Variants in PDE3A observed in about 807,000 individuals in gnomAD.
PDE3A encodes the protein phosphodiesterase 3A.
Under a neutral mutation model 98.3 loss-of-function variants are expected in PDE3A, and 43 were observed. That is an observed-to-expected ratio of 0.44 (90% CI 0.34 to 0.56). PDE3A has a LOEUF of 0.56. Among genes scored for constraint, PDE3A ranks in the 20% least tolerant of loss-of-function variants. PDE3A has a pLI of 0.01. For missense variants in PDE3A, 1,427 were observed against 1,440.7 expected, an observed-to-expected ratio of 0.99 and a Z score of 0.15; for synonymous variants, 663 against 567.9, an observed-to-expected ratio of 1.17 and a Z score of -2.38.
intron 2 of PDE3A, among the ~76,000 whole-genome samples, chr12:20,587,406 G>T (rs1692346391): frequency 6.6e-6 from 1 of 150,530 alleles, no homozygotes; most frequent in Admixed American, 6.7e-5. Flanking sequence ...AAATTACTAG[G>T]CTCTTCTATA....
At chr12:20,635,081 T>C in intron 8 of PDE3A, 25 bp downstream of exon 8, 1 of 1,587,826 alleles carries the variant, frequency 6.3e-7, no homozygotes, top group Non-Finnish European at 8.6e-7. Flanking sequence ...CTTAACTCAC[T>C]CATTTACTTG....
At position 20,419,552 on chromosome 12, in the gene PDE3A, G is replaced by A. The variant is rs537376084; in HGVS notation, c.960+49308G>A. On this transcript the variant is annotated intron_variant, in intron 1 of 15. Transcript: ENST00000359062. ...TTCCAAGGATGCTTTTCAAAATATC[G>A]AGTTTCACAAAAAATAAAGTCAAGA... is the stretch of plus-strand genomic sequence containing the variant. 5.7e-4 allele frequency among the ~76,000 whole-genome samples: 86 copies of A among 151,566 alleles called. 2 individuals are homozygous for A. Among genetic ancestry groups the A allele is most frequent in the African/African-American group, 2.0e-3 (81 of 41,354 alleles).
intron 2 of PDE3A, among the ~76,000 whole-genome samples, chr12:20,558,687 G>T (rs1565588798): frequency 8.2e-6 from 1 of 122,256 alleles, no homozygotes; most frequent in Non-Finnish European, 1.7e-5. Flanking sequence ...ATTCCCTGCT[G>T]ACGAAATAAT....
At chr12:20,679,916 A>G (rs1565476057) in intron 15 of PDE3A, 114 bp from the exon 16 acceptor site, 1 of 199,290 alleles carries the variant, frequency 5.0e-6, no homozygotes, top group Non-Finnish European at 9.8e-6. Context: ...ATATAATATA[A>G]TATAATAAGG....
intron 2 of PDE3A, among the ~76,000 whole-genome samples, chr12:20,596,357 C>T (rs1017869492): frequency 6.6e-6 from 1 of 152,084 alleles, no homozygotes; most frequent in African/African-American, 2.4e-5. Flanking sequence ...GATGATCCTG[C>T]CTGACATCTG....
chr12:20,500,031 A>T (rs1945993846), intron 1 of PDE3A, among the ~76,000 whole-genome samples: 1 of 152,092 alleles, frequency 6.6e-6, no homozygotes, highest in Non-Finnish European at 1.5e-5. Context: ...AGCATACTAC[A>T]CTGTATCTCC....
chr12:20,463,812 T>G (rs1022582033), intron 1 of PDE3A, among the ~76,000 whole-genome samples: 5 of 152,276 alleles, frequency 3.3e-5, no homozygotes, highest in Admixed American at 6.5e-5. Context: ...CTTCCCAGGC[T>G]GGGGAACTGT....
At chr12:20,553,153 T>A (rs570270010) in intron 1 of PDE3A, 22 of 845,164 alleles carry the variant, frequency 2.6e-5, no homozygotes, top group South Asian at 1.4e-4. Flanking sequence ...TCCTTTTTTT[T>A]TTTTTATTTT....
chr12:20,380,713 T>C (rs1943648824), intron 1 of PDE3A, among the ~76,000 whole-genome samples: 1 of 151,760 alleles, frequency 6.6e-6, no homozygotes, highest in African/African-American at 2.4e-5. Flanking sequence ...CAGGCAGACT[T>C]TTTAGAGAGA....
At chr12:20,494,417 G>T (rs2121058351) in intron 1 of PDE3A, among the ~76,000 whole-genome samples, 1 of 152,266 alleles carries the variant, frequency 6.6e-6, no homozygotes, top group Admixed American at 6.5e-5. Flanking sequence ...TTCAGTGTTT[G>T]ATTTTATTGT....
chr12:20,386,144 T>TATATATATAAATATATATAAATATATAA (rs1565532631), intron 1 of PDE3A, among the ~76,000 whole-genome samples: 6 of 26,516 alleles, frequency 2.3e-4, no homozygotes, highest in African/African-American at 8.3e-4. Flanking sequence ...TATATATAAA[T>TATATATATAAATATATATAAATATATAA]ATATATATAA....
At chr12:20,410,293 A>G (rs560294352) in intron 1 of PDE3A, among the ~76,000 whole-genome samples, 11 of 152,358 alleles carry the variant, frequency 7.2e-5, no homozygotes, top group Non-Finnish European at 1.5e-5. Flanking sequence ...CAAGCTGAGC[A>G]GTGAGATTCT....
chr12:20,391,491 C>T (rs1943915246), intron 1 of PDE3A, among the ~76,000 whole-genome samples: 1 of 150,972 alleles, frequency 6.6e-6, no homozygotes, highest in Admixed American at 6.6e-5. Context: ...TGATTCTTTG[C>T]TCACATAGTT....
chr12:20,618,987 G>A (rs754745278), intron 4 of PDE3A, among the ~76,000 whole-genome samples: 6 of 152,050 alleles, frequency 3.9e-5, no homozygotes, highest in Admixed American at 3.9e-4. Context: ...TGCTGTGCCA[G>A]CATGAGAAAA....
At chr12:20,438,628 G>C (rs1442851038) in intron 1 of PDE3A, among the ~76,000 whole-genome samples, 1 of 152,194 alleles carries the variant, frequency 6.6e-6, no homozygotes, top group Non-Finnish European at 1.5e-5. Flanking sequence ...ATATGGACTT[G>C]CTATGATGTG....
intron 1 of PDE3A, among the ~76,000 whole-genome samples, chr12:20,513,615 A>G (rs1484302583): frequency 6.6e-6 from 1 of 152,176 alleles, no homozygotes; most frequent in Non-Finnish European, 1.5e-5. Flanking sequence ...GGAAATATAC[A>G]CTAAAATTAC....
chr12:20,475,477 C>G (rs1945515884), intron 1 of PDE3A, among the ~76,000 whole-genome samples: 1 of 151,988 alleles, frequency 6.6e-6, no homozygotes, highest in South Asian at 2.1e-4. Context: ...GCCTGTCATC[C>G]CAGCACTTTG....
In PDE3A at chr12:20,634,984, A is replaced by G; in HGVS notation, c.1929A>G (p.Thr643=). Reference sequence around the variant, plus strand: ...ACATTGTACAGAATGAAGATGAAACAGAGTGCCTGAGAGAGCCTCTGAGGA... The same window carrying G: ...ACATTGTACAGAATGAAGATGAAACGGAGTGCCTGAGAGAGCCTCTGAGGA... ...SSDIVQNEDE[T]ECLREPLRKA... is the part of the protein sequence containing the mutation. The change falls in exon 8 of 16, where the codon ACA becomes ACG. Residue 643 remains threonine, a synonymous_variant. Transcript: ENST00000359062. 2.5e-6 allele frequency: 4 copies of G among 1,613,036 alleles called. No individual in the cohort carries two copies. Among genetic ancestry groups the G allele is most frequent in the Non-Finnish European group, 2.5e-6 (3 of 1,179,008 alleles).
intron 1 of PDE3A, among the ~76,000 whole-genome samples, chr12:20,542,468 CACACAT>C (rs986582843): frequency 4.4e-5 from 5 of 113,628 alleles, no homozygotes; most frequent in African/African-American, 8.9e-5. Flanking sequence ...CACACACACA[CACACAT>C]ACACTTTTAA....
Sources: allele counts gnomAD v4.1 joint callset (sites outside exome capture counted in the v4.1 genomes callset), GRCh38; gene constraint gnomAD v4.1.1; transcripts MANE v1.5; gene names NCBI Gene and HGNC (gene_info 2026-07-23, HGNC 2026-07-21).